Variants in RSPO2 observed in about 807,000 individuals in gnomAD.
RSPO2 encodes R-spondin-2.
In RSPO2, 14 loss-of-function variants were observed where a neutral mutation model predicts 30.9. The ratio of observed to expected loss-of-function variants is 0.45; its 90% CI spans 0.30 to 0.71. RSPO2 has a LOEUF of 0.71. Among genes scored for constraint, RSPO2 ranks in the 30% least tolerant of loss-of-function variants. The probability of loss-of-function intolerance (pLI) is 0.08; values close to 1 mark genes in which losing one functional copy is unlikely to be tolerated. For missense variants in RSPO2, 264 were observed against 301.9 expected (o/e 0.87, Z 0.93); for synonymous variants, 107 against 96.4 (o/e 1.11, Z -0.64).
At chr8:107,955,428 G>C (rs1234164892) in intron 5 of RSPO2, among the ~76,000 whole-genome samples, 5 of 152,026 alleles carry the variant, frequency 3.3e-5, no homozygotes, top group Admixed American at 2.0e-4. Context: ...TGTTGGAAAA[G>C]CCCAAGAAAC....
At chr8:108,014,695 G>T (rs60091528) in intron 2 of RSPO2, among the ~76,000 whole-genome samples, 39 of 152,002 alleles carry the variant, frequency 2.6e-4, no homozygotes, top group African/African-American at 9.4e-4. Context: ...GGCCTGTCAG[G>T]TGGTGGGGGG....
At chr8:107,904,684 G>A (rs1055810128) in intron 5 of RSPO2, among the ~76,000 whole-genome samples, 1 of 152,058 alleles carries the variant, frequency 6.6e-6, no homozygotes, top group African/African-American at 2.4e-5. Context: ...TAACTGAGAT[G>A]TCTGGTAAGG....
At chr8:108,028,317 C>G (rs1452593797) in intron 2 of RSPO2, among the ~76,000 whole-genome samples, 1 of 152,192 alleles carries the variant, frequency 6.6e-6, no homozygotes, top group Non-Finnish European at 1.5e-5. Flanking sequence ...GCCACCTTCT[C>G]TGTCAATTGC....
At chr8:107,921,340 A>T (rs529246994) in intron 5 of RSPO2, among the ~76,000 whole-genome samples, 3 of 151,724 alleles carry the variant, frequency 2.0e-5, no homozygotes, top group Non-Finnish European at 4.4e-5. Flanking sequence ...GAGAAGAAAA[A>T]ATTTACTCTT....
intron 2 of RSPO2, among the ~76,000 whole-genome samples, chr8:108,009,527 T>TCA (rs1309262458): frequency 6.6e-6 from 1 of 152,176 alleles, no homozygotes; most frequent in Non-Finnish European, 1.5e-5. Context: ...TTTTAAAAAG[T>TCA]CACACACATT....
chr8:107,940,006 TTCTTCAAA>T (rs1812844733), intron 5 of RSPO2, among the ~76,000 whole-genome samples: 1 of 152,050 alleles, frequency 6.6e-6, no homozygotes, highest in Non-Finnish European at 1.5e-5. Context: ...AGAACATAGC[TTCTTCAAA>T]GTTATAGACT....
intron 2 of RSPO2, among the ~76,000 whole-genome samples, chr8:108,018,794 T>C (rs1810971159): frequency 6.6e-6 from 1 of 152,188 alleles, no homozygotes; most frequent in East Asian, 1.9e-4. Flanking sequence ...TAGTTAAAAG[T>C]GCCAGTACTC....
chr8:107,961,802 TAGAA>T (rs1813636057), intron 3 of RSPO2, among the ~76,000 whole-genome samples: 1 of 152,120 alleles, frequency 6.6e-6, no homozygotes. Context: ...CACAGTGAAT[TAGAA>T]ACATGTATTT....
intron 5 of RSPO2, among the ~76,000 whole-genome samples, chr8:107,937,615 GA>G (rs34321211): frequency 1.9e-3 from 275 of 146,128 alleles, no homozygotes; most frequent in African/African-American, 6.2e-3. Flanking sequence ...TCATTTGAAG[GA>G]AAAAAAAAAA....
intron 5 of RSPO2, among the ~76,000 whole-genome samples, chr8:107,925,521 G>C (rs985379539): frequency 2.0e-5 from 3 of 151,458 alleles, no homozygotes; most frequent in Non-Finnish European, 3.0e-5. Flanking sequence ...CATCATTTAC[G>C]TTAGGTATTT....
At chr8:108,047,790 G>T (rs1034384542) in intron 2 of RSPO2, among the ~76,000 whole-genome samples, 3 of 151,618 alleles carry the variant, frequency 2.0e-5, no homozygotes, top group African/African-American at 7.3e-5. Flanking sequence ...GGCAGAGGTT[G>T]CAGTGAACCA....
intron 2 of RSPO2, among the ~76,000 whole-genome samples, chr8:108,071,809 T>C (rs943997136): frequency 6.6e-6 from 1 of 152,194 alleles, no homozygotes; most frequent in African/African-American, 2.4e-5. Flanking sequence ...TAAGTTCTTG[T>C]AGACGTTCTT....
chr8:107,922,564 T>C (rs765135153), intron 5 of RSPO2, among the ~76,000 whole-genome samples: 6 of 152,162 alleles, frequency 3.9e-5, no homozygotes, highest in Non-Finnish European at 8.8e-5. Flanking sequence ...AAACTACCAA[T>C]GACATTTTTC....
intron 2 of RSPO2, among the ~76,000 whole-genome samples, chr8:108,012,739 A>G (rs539285459): frequency 2.4e-4 from 36 of 152,328 alleles, no homozygotes; most frequent in African/African-American, 8.7e-4. Context: ...AAGTATCACT[A>G]TAGTCAAGTA....
chr8:107,914,654 A>C (rs540365821), intron 5 of RSPO2, among the ~76,000 whole-genome samples: 2 of 152,114 alleles, frequency 1.3e-5, no homozygotes, highest in Non-Finnish European at 2.9e-5. Context: ...CCTCCTTTAG[A>C]ATTTTCAAAA....
intron 2 of RSPO2, among the ~76,000 whole-genome samples, chr8:108,021,328 C>G (rs1035159584): frequency 6.6e-6 from 1 of 152,150 alleles, no homozygotes; most frequent in Non-Finnish European, 1.5e-5. Flanking sequence ...AAACCTTTCC[C>G]CTTTTGCTAC....
chr8:107,951,042 A>AG (rs1563535539), intron 5 of RSPO2, among the ~76,000 whole-genome samples: 55 of 55,024 alleles, frequency 1.0e-3, no homozygotes, highest in African/African-American at 3.4e-3. Flanking sequence ...AGGGAGAATA[A>AG]GTTTTTTTTT....
chr8:108,047,607 G>A (rs1811944042), intron 2 of RSPO2, among the ~76,000 whole-genome samples: 1 of 152,102 alleles, frequency 6.6e-6, no homozygotes, highest in African/African-American at 2.4e-5. Context: ...CAGCACTTTT[G>A]GAGGCCAAGG....
intron 2 of RSPO2, among the ~76,000 whole-genome samples, chr8:108,026,288 G>C (rs1045625717): frequency 1.3e-5 from 2 of 152,090 alleles, no homozygotes; most frequent in African/African-American, 4.8e-5. Flanking sequence ...GAAGAATAAA[G>C]TATGACCACT....
Sources: allele counts gnomAD v4.1 joint callset (sites outside exome capture counted in the v4.1 genomes callset), GRCh38; gene constraint gnomAD v4.1.1; transcripts MANE v1.5; gene names NCBI Gene and HGNC (gene_info 2026-07-23, HGNC 2026-07-21).